Variants in LIMCH1 observed in about 807,000 individuals in gnomAD.
LIMCH1 encodes the protein LIM and calponin homology domains 1.
In LIMCH1, 113 loss-of-function variants were observed where a neutral mutation model predicts 176.5. The observed-to-expected ratio is 0.64, with a 90% CI of 0.55 to 0.75. LIMCH1 has a LOEUF of 0.75. Ranked by LOEUF, LIMCH1 falls within the 30% of genes least tolerant of loss-of-function variation. The pLI is 0.00. For synonymous variants in LIMCH1, 619 were observed against 645.9 expected, an observed-to-expected ratio of 0.96 and a Z score of 0.63; for missense variants, 1,674 against 1,814.9, an observed-to-expected ratio of 0.92 and a Z score of 1.41.
intron 1 of LIMCH1, among the ~76,000 whole-genome samples, chr4:41,412,080 T>A (rs538792193): frequency 6.6e-6 from 1 of 151,944 alleles, no homozygotes; most frequent in South Asian, 2.1e-4. Flanking sequence ...TTATTAGCTA[T>A]GTCCAACTAA....
At chr4:41,666,046 G>C (rs1055715460) in intron 20 of LIMCH1, among the ~76,000 whole-genome samples, 2 of 152,188 alleles carry the variant, frequency 1.3e-5, no homozygotes, top group African/African-American at 4.8e-5. Flanking sequence ...TTGTCAGCAG[G>C]CAAAGTATAC....
At chr4:41,375,881 T>C (rs2054692810) in intron 1 of LIMCH1, among the ~76,000 whole-genome samples, 2 of 152,250 alleles carry the variant, frequency 1.3e-5, no homozygotes, top group Admixed American at 1.3e-4. Context: ...GTTACTTTGC[T>C]AATTCTTGGG....
intron 3 of LIMCH1, chr4:41,524,623 A>G: frequency 1.5e-6 from 1 of 664,770 alleles, no homozygotes; most frequent in Non-Finnish European, 2.7e-6. Context: ...CGAAGAGGTC[A>G]CTTAAAATGA....
chr4:41,578,792 T>G (rs2084918953), intron 1 of LIMCH1, among the ~76,000 whole-genome samples: 1 of 151,816 alleles, frequency 6.6e-6, no homozygotes, highest in African/African-American at 2.4e-5. Context: ...AAGTCATAGC[T>G]CCCTGTAGCC....
intron 2 of LIMCH1, among the ~76,000 whole-genome samples, chr4:41,514,081 C>G (rs965341124): frequency 1.5e-5 from 2 of 133,746 alleles, no homozygotes; most frequent in African/African-American, 5.4e-5. Context: ...AAATCGTTAG[C>G]AGGTCTAAAG....
At chr4:41,484,995 TA>T (rs1322508496) in intron 1 of LIMCH1, among the ~76,000 whole-genome samples, 1 of 152,242 alleles carries the variant, frequency 6.6e-6, no homozygotes, top group East Asian at 1.9e-4. Context: ...TTTGACTTTT[TA>T]TGGCAATTAC....
At chr4:41,564,735 C>T (rs764296553) in intron 1 of LIMCH1, among the ~76,000 whole-genome samples, 1 of 152,106 alleles carries the variant, frequency 6.6e-6, no homozygotes. Context: ...TATCCCCACC[C>T]AAATCTCACC....
intron 1 of LIMCH1, among the ~76,000 whole-genome samples, chr4:41,546,343 T>G (rs753253555): frequency 1.3e-5 from 2 of 152,096 alleles, no homozygotes; most frequent in Non-Finnish European, 2.9e-5. Flanking sequence ...TTCACCATGT[T>G]GGCCAGGCTG....
intron 1 of LIMCH1, among the ~76,000 whole-genome samples, chr4:41,402,790 C>T (rs990652858): frequency 6.8e-5 from 9 of 132,102 alleles, no homozygotes; most frequent in Non-Finnish European, 1.2e-4. Context: ...AACACATGGA[C>T]ACAGGAAGGG....
intron 26 of LIMCH1, among the ~76,000 whole-genome samples, chr4:41,682,754 G>A (rs1248204447): frequency 6.8e-6 from 1 of 146,092 alleles, no homozygotes; most frequent in Non-Finnish European, 1.5e-5. Flanking sequence ...TTGGCTCACT[G>A]CAACTGCTAC....
chr4:41,532,667 A>G (rs567760482), intron 3 of LIMCH1, among the ~76,000 whole-genome samples: 2 of 152,260 alleles, frequency 1.3e-5, no homozygotes, highest in South Asian at 2.1e-4. Context: ...TTGGTTGTTC[A>G]CTGATGTGCT....
intron 1 of LIMCH1, among the ~76,000 whole-genome samples, chr4:41,405,533 T>C (rs1309194774): frequency 2.0e-5 from 3 of 152,144 alleles, no homozygotes; most frequent in African/African-American, 7.2e-5. Flanking sequence ...GTCTGACTTA[T>C]AATGTGGTTC....
chr4:41,696,383 A>G (rs1429524484), intron 31 of LIMCH1, among the ~76,000 whole-genome samples: 1 of 152,144 alleles, frequency 6.6e-6, no homozygotes, highest in Non-Finnish European at 1.5e-5. Flanking sequence ...AAATGTTGCA[A>G]TTGCCTCATC....
intron 3 of LIMCH1, among the ~76,000 whole-genome samples, chr4:41,531,004 T>C (rs1039798034): frequency 1.3e-5 from 2 of 151,766 alleles, no homozygotes; most frequent in Non-Finnish European, 2.9e-5. Flanking sequence ...GTATCTTTAC[T>C]CTAAAGTTCA....
chr4:41,381,491 G>A (rs542165562), intron 1 of LIMCH1, among the ~76,000 whole-genome samples: 89 of 152,286 alleles, frequency 5.8e-4, no homozygotes, highest in African/African-American at 2.1e-3. Context: ...GGCTATACCA[G>A]TTTTCCATCC....
chr4:41,479,489 C>T (rs1218111950), intron 1 of LIMCH1, among the ~76,000 whole-genome samples: 1 of 152,144 alleles, frequency 6.6e-6, no homozygotes, highest in Non-Finnish European at 1.5e-5. Flanking sequence ...TGGCCTCAAG[C>T]AATTCTTTCA....
intron 13 of LIMCH1, 70 bp downstream of exon 13, chr4:41,633,878 A>G (rs1235786262): frequency 4.8e-6 from 7 of 1,463,362 alleles, no homozygotes; most frequent in African/African-American, 1.4e-5. Flanking sequence ...TTCTTAATGC[A>G]TTATGGCACC....
intron 1 of LIMCH1, among the ~76,000 whole-genome samples, chr4:41,561,688 G>C (rs1012352316): frequency 1.3e-5 from 2 of 152,126 alleles, no homozygotes; most frequent in African/African-American, 4.8e-5. Flanking sequence ...CCATGGGAAA[G>C]AAAAAGAAGT....
At position 41,467,156 on chromosome 4, in the gene LIMCH1, TATACACACACACACACACAC is replaced by T. The variant is rs1457882008; in HGVS notation, c.97-27378_97-27359del. ...TCCCATATATATATGTGTATGTATA[TATACACACACACACACACAC>T]ACACACACACACACACACACACACA... On this transcript the variant is annotated intron_variant, in intron 1 of 26. Transcript: ENST00000313860. 4.0e-5 allele frequency among the ~76,000 whole-genome samples: 4 copies of T among 100,242 alleles called. 1 individual carries two copies. Among genetic ancestry groups the T allele is most frequent in the African/African-American group, 1.6e-4 (3 of 18,414 alleles). The allele number at this position is 100,242 out of a possible 152,430, so 65.8% of individuals were successfully genotyped here.
Sources: allele counts gnomAD v4.1 joint callset (sites outside exome capture counted in the v4.1 genomes callset), GRCh38; gene constraint gnomAD v4.1.1; transcripts MANE v1.5; gene names NCBI Gene and HGNC (gene_info 2026-07-23, HGNC 2026-07-21).